The following BCAS3 variants were observed in gnomAD, a reference collection of about 807,000 sequenced individuals.
The protein encoded by BCAS3 is BCAS3 microtubule associated cell migration factor, also known as BCAS4/BCAS3 fusion.
A neutral mutation model predicts 116.1 loss-of-function variants in BCAS3; 53 were observed. That is an observed-to-expected ratio of 0.46 (90% CI 0.37 to 0.57). BCAS3 has a LOEUF of 0.57. BCAS3 is among the 20% of genes least tolerant of loss of function. The pLI is 0.00. For synonymous variants in BCAS3, 391 were observed against 408.2 expected, an observed-to-expected ratio of 0.96 and a Z score of 0.51; for missense variants, 917 against 1,165.4, an observed-to-expected ratio of 0.79 and a Z score of 3.10.
At position 61,126,059 on chromosome 17, in the gene BCAS3, G is replaced by A. The variant is rs10853025; in HGVS notation, c.2425+41495G>A. 0.96 allele frequency among the ~76,000 whole-genome samples: 145,998 copies of A among 152,274 alleles called. 70,323 individuals carry two copies. Among genetic ancestry groups the A allele is most frequent in the East Asian group, 1 (5,178 of 5,178 alleles). ...GAATTCTGAGTAATGTGAAATGTAT[G>A]TGAATTGGAAGCAGTAATAAATTGT... On this transcript the variant is annotated intron_variant, in intron 22 of 23. Coordinates refer to ENST00000407086, the MANE Select transcript of BCAS3 (RefSeq NM_017679.5). The surrounding 1 kb of genome is among the most constrained non-coding windows in gnomAD (Gnocchi z 4.6).
chr17:60,708,505 T>C (rs1027806800), intron 4 of BCAS3, among the ~76,000 whole-genome samples: 4 of 152,026 alleles, frequency 2.6e-5, no homozygotes, highest in African/African-American at 7.2e-5. Flanking sequence ...ACTGTAAGTG[T>C]GTGCCACCAA....
chr17:60,760,945 A>G (rs900069940), intron 6 of BCAS3, among the ~76,000 whole-genome samples: 1 of 152,038 alleles, frequency 6.6e-6, no homozygotes, highest in African/African-American at 2.4e-5. Context: ...GATTATTTCA[A>G]AAGAACTGTC....
At chr17:61,143,027 T>C (rs1029036713) in intron 22 of BCAS3, among the ~76,000 whole-genome samples, 2 of 152,204 alleles carry the variant, frequency 1.3e-5, no homozygotes, top group African/African-American at 4.8e-5. Flanking sequence ...TTTCTGATTA[T>C]TTATTAAAAG....
chr17:61,191,427 T>C (rs897163607), intron 22 of BCAS3, among the ~76,000 whole-genome samples: 1 of 151,850 alleles, frequency 6.6e-6, no homozygotes, highest in Admixed American at 6.6e-5. Flanking sequence ...AACAAGAAAT[T>C]ATATAGCAAA....
Position 61,071,821 on chromosome 17 carries a change from C to A in BCAS3, c.2030-3099C>A, listed in dbSNP as rs377683996. 3.9e-5 allele frequency among the ~76,000 whole-genome samples: 6 copies of A among 152,148 alleles called. No homozygotes were observed. In the South Asian group the frequency reaches 6.2e-4, roughly 16 times the overall value. On this transcript the variant is annotated intron_variant, in intron 19 of 23. Coordinates refer to ENST00000407086, the MANE Select transcript of BCAS3 (RefSeq NM_017679.5). ...TAATTTATTGTGAAAAAAATATGTT[C>A]TCTTATTGCACTCTTCTTTCAGACT...
At chr17:61,382,355 G>A (rs2059645320) in intron 23 of BCAS3, among the ~76,000 whole-genome samples, 1 of 151,078 alleles carries the variant, frequency 6.6e-6, no homozygotes, top group Non-Finnish European at 1.5e-5. Flanking sequence ...CCGCCTCCCA[G>A]GTTCAAGGGA....
intron 7 of BCAS3, among the ~76,000 whole-genome samples, chr17:60,855,769 C>G (rs1330964324): frequency 1.3e-5 from 2 of 152,090 alleles, no homozygotes; most frequent in African/African-American, 4.8e-5. Flanking sequence ...ACTGCAGCCT[C>G]AACCCCCAGC....
At position 61,034,833 on chromosome 17, in the gene BCAS3, T is replaced by C; in HGVS notation, c.1762+43T>C. On this transcript the variant is annotated intron_variant, in intron 17 of 23. Coordinates refer to ENST00000407086, the MANE Select transcript of BCAS3 (RefSeq NM_017679.5). This position sits in a 1 kb window ranked among gnomAD's most constrained non-coding sequence, Gnocchi z 5.0. ...AAAATGAATGCTCTATTTGTAATTT[T>C]TGCTTCTTAAGGAAAATTTTTAGCA... 1 of 1,557,448 alleles carries C rather than the reference T, an allele frequency of 6.4e-7. No homozygotes were observed. Among genetic ancestry groups the C allele is most frequent in the Non-Finnish European group, 8.7e-7 (1 of 1,153,996 alleles).
Position 61,028,458 on chromosome 17 carries a change from A to G in BCAS3, c.1638-6208A>G, listed in dbSNP as rs376076339. 1.6e-3 allele frequency among the ~76,000 whole-genome samples: 244 copies of G among 152,048 alleles called. 8 individuals are homozygous for G. The South Asian group carries it at 0.048, about 30-fold the overall frequency. On this transcript the variant is annotated intron_variant, in intron 16 of 23. Transcript: ENST00000407086. The surrounding 1 kb of genome is among the most constrained non-coding windows in gnomAD (Gnocchi z 4.3). ...CAGTGATCAGTGAATTTTAAATGCC[A>G]CATTCAACATATGACAAAATTTCTT...
rs1029818653 is a variant in BCAS3, at chr17:61,161,892, A to G, written c.2425+77328A>G. On this transcript the variant is annotated intron_variant, in intron 22 of 23. Transcript: ENST00000407086. The surrounding 1 kb of genome is among the most constrained non-coding windows in gnomAD (Gnocchi z 4.8). ...TGATTGCTGGACAAAGATGAGCAGCACGGATTTGCTGCGATGGTCAGAATT... is the reference window on the plus strand; with the variant it reads ...TGATTGCTGGACAAAGATGAGCAGCGCGGATTTGCTGCGATGGTCAGAATT... 3.3e-5 allele frequency among the ~76,000 whole-genome samples: 5 copies of G among 152,198 alleles called. No homozygotes were observed. Among genetic ancestry groups the G allele is most frequent in the African/African-American group, 1.2e-4 (5 of 41,446 alleles).
chr17:61,027,243 G>T (rs1410667859), intron 16 of BCAS3: 3 of 430,396 alleles, frequency 7.0e-6, no homozygotes, highest in African/African-American at 6.1e-5. Flanking sequence ...GGCATTAGAA[G>T]TTACCTACAT....
chr17:61,312,138 G>A (rs1031690551), intron 22 of BCAS3, among the ~76,000 whole-genome samples: 3 of 152,276 alleles, frequency 2.0e-5, no homozygotes, highest in South Asian at 4.1e-4. Context: ...GGCCCTTGCC[G>A]AGTCCCAGTG....
chr17:60,885,878 T>A (rs2056593249), intron 9 of BCAS3, among the ~76,000 whole-genome samples: 1 of 147,494 alleles, frequency 6.8e-6, no homozygotes, highest in Non-Finnish European at 1.5e-5. Flanking sequence ...GCCCTTAACA[T>A]TTTTTCCTTC....
At chr17:60,765,168 T>C (rs2043961583) in intron 6 of BCAS3, among the ~76,000 whole-genome samples, 1 of 152,218 alleles carries the variant, frequency 6.6e-6, no homozygotes, top group Non-Finnish European at 1.5e-5. Flanking sequence ...TGTCTTTTCA[T>C]GGGGGCATTT....
Position 61,258,431 on chromosome 17 carries a change from G to A in BCAS3, c.2426-109896G>A, listed in dbSNP as rs183932030. Among the ~76,000 whole-genome samples, 2 of 152,338 alleles carry A rather than the reference G, an allele frequency of 1.3e-5. No homozygotes were observed. The highest frequency in any genetic ancestry group is 1.3e-4 in the Admixed American group (2 of 15,304). On this transcript the variant is annotated intron_variant, in intron 22 of 23. Transcript: ENST00000407086. This position sits in a 1 kb window ranked among gnomAD's most constrained non-coding sequence, Gnocchi z 4.7. ...TTTAGAGGCAGGTTTATCTAGGTTTGAGTTGTGGGTCTGCCACTTCTTCAC... is the reference window on the plus strand; with the variant it reads ...TTTAGAGGCAGGTTTATCTAGGTTTAAGTTGTGGGTCTGCCACTTCTTCAC...
chr17:61,263,630 A>C (rs1167694778), intron 22 of BCAS3, among the ~76,000 whole-genome samples: 1 of 152,258 alleles, frequency 6.6e-6, no homozygotes, highest in Non-Finnish European at 1.5e-5. Context: ...TTCATGTGGA[A>C]GATCGGAGGA....
rs2069438428 is a variant in BCAS3 at position 61,056,833 on chromosome 17, A to G, written c.2029+15941A>G. On this transcript the variant is annotated intron_variant, in intron 19 of 23. Coordinates refer to ENST00000407086, the MANE Select transcript of BCAS3 (RefSeq NM_017679.5). This position sits in a 1 kb window ranked among gnomAD's most constrained non-coding sequence, Gnocchi z 4.9. ...ATAAAAATGACCATTGCATCCATGC[A>G]CAGATTTTTTCTCTCCAGTTATGGA... 6.6e-6 allele frequency among the ~76,000 whole-genome samples: 1 copy of G among 152,258 alleles called. No individual in the cohort carries two copies.
At chr17:61,225,790 T>C (rs971523426) in intron 22 of BCAS3, among the ~76,000 whole-genome samples, 3 of 152,174 alleles carry the variant, frequency 2.0e-5, no homozygotes, top group Non-Finnish European at 4.4e-5. Context: ...ATCAGTTTAC[T>C]CTCCCAGCTC....
At chr17:60,709,528 T>A (rs2037598259) in intron 5 of BCAS3, 1 of 397,300 alleles carries the variant, frequency 2.5e-6, no homozygotes, top group Non-Finnish European at 4.6e-6. Flanking sequence ...TAGCTGAGAT[T>A]ACAGGCATGT....
Sources: allele counts gnomAD v4.1 joint callset (sites outside exome capture counted in the v4.1 genomes callset), GRCh38; gene constraint gnomAD v4.1.1; non-coding constraint Gnocchi (gnomAD v3.1); transcripts MANE v1.5; gene names NCBI Gene and HGNC (gene_info 2026-07-23, HGNC 2026-07-21).